Variants in NHEJ1 observed in about 807,000 individuals in gnomAD.
NHEJ1 encodes non-homologous end joining factor 1, also known as non-homologous end-joining factor 1.
In NHEJ1, 22 loss-of-function variants were observed where a neutral mutation model predicts 39.4. The ratio of observed to expected loss-of-function variants is 0.56; its 90% CI spans 0.40 to 0.80. NHEJ1 has a LOEUF of 0.80. Ranked by LOEUF, NHEJ1 falls within the 30% of genes least tolerant of loss-of-function variation. NHEJ1 has a pLI of 0.00. For missense variants in NHEJ1, 329 were observed against 357.1 expected (o/e 0.92, Z 0.63); for synonymous variants, 154 against 135.6 (o/e 1.14, Z -0.94).
chr2:219,106,725 T>C (rs1041103391), intron 5 of NHEJ1, among the ~76,000 whole-genome samples: 1 of 152,196 alleles, frequency 6.6e-6, no homozygotes, highest in Non-Finnish European at 1.5e-5. Context: ...ATACTCAATG[T>C]TATTAAACAG....
At chr2:219,091,804 ATGTGTATATATGAAGTATG>A (rs60083888) in intron 5 of NHEJ1, among the ~76,000 whole-genome samples, 109,394 of 151,230 alleles carry the variant, frequency 0.72, 40,089 homozygotes, top group Non-Finnish European at 0.77. Flanking sequence ...GAACAAGGGT[ATGTGTATATATGAAGTATG>A]TGTGTATATA....
At chr2:219,093,825 C>G (rs1188574386) in intron 5 of NHEJ1, among the ~76,000 whole-genome samples, 1 of 152,092 alleles carries the variant, frequency 6.6e-6, no homozygotes, top group African/African-American at 2.4e-5. Flanking sequence ...TCAAACCAAA[C>G]ACACAAATGG....
chr2:219,129,832 C>T (rs762007338), intron 5 of NHEJ1, among the ~76,000 whole-genome samples: 9 of 152,294 alleles, frequency 5.9e-5, no homozygotes, highest in East Asian at 3.9e-4. Flanking sequence ...TTCACCCGTT[C>T]GACAGCCGCC....
At chr2:219,159,980 A>G (rs1054657226) in intron 1 of NHEJ1, among the ~76,000 whole-genome samples, 2 of 152,054 alleles carry the variant, frequency 1.3e-5, no homozygotes, top group Non-Finnish European at 2.9e-5. Flanking sequence ...GCCCTATAAA[A>G]AGGCCTGACA....
Position 219,158,240 on chromosome 2 carries a change from A to C in NHEJ1, c.123T>G (p.Leu41=), listed in dbSNP as rs1411468226. ...CCACCTGTTCATGCCACACCTGTTG[A>C]AGATCTGAAACCAACAAGGCATAGC... ...KQGYALLVSD[L]QQVWHEQVDT... is the part of the protein sequence containing the mutation. The change falls in exon 2 of 8, where the codon CTT becomes CTG. Residue 41 remains leucine, a synonymous_variant. Coordinates refer to ENST00000356853, the MANE Select transcript of NHEJ1 (RefSeq NM_024782.3). 3.1e-6 allele frequency: 5 copies of C among 1,614,092 alleles called. No individual in the cohort carries two copies. Among genetic ancestry groups the C allele is most frequent in the Non-Finnish European group, 4.2e-6 (5 of 1,180,054 alleles).
chr2:219,144,149 C>T (rs1328358560), intron 5 of NHEJ1, among the ~76,000 whole-genome samples: 5 of 152,114 alleles, frequency 3.3e-5, no homozygotes, highest in South Asian at 2.1e-4. Context: ...TACAGTGAGC[C>T]GAGATCACCC....
chr2:219,118,966 C>T (rs1949444119), intron 5 of NHEJ1, among the ~76,000 whole-genome samples: 1 of 152,188 alleles, frequency 6.6e-6, no homozygotes, highest in Non-Finnish European at 1.5e-5. Flanking sequence ...CCTGGGGGGA[C>T]TTGAACCATC....
chr2:219,123,327 C>T (rs958874537), intron 5 of NHEJ1, among the ~76,000 whole-genome samples: 2 of 152,176 alleles, frequency 1.3e-5, no homozygotes, highest in South Asian at 2.1e-4. Flanking sequence ...CTAGTGGACA[C>T]AGAAAACAAT....
Position 219,077,324 on chromosome 2 carries a change from G to A in NHEJ1, c.747C>T (p.Ile249=), listed in dbSNP as rs142143860. Residue 249 remains isoleucine, a synonymous_variant, in exon 7 of 8, where the codon ATC becomes ATT. Coordinates refer to ENST00000356853, the MANE Select transcript of NHEJ1 (RefSeq NM_024782.3). The part of the protein sequence containing the change: ...HTSNSASLQG[I]DSQCVNQPEQ... ...CTGGCTGGTTTACACATTGGCTATCGATTCCTTGCAGGGAAGCACTGTTTG... is the reference window on the plus strand; with the variant it reads ...CTGGCTGGTTTACACATTGGCTATCAATTCCTTGCAGGGAAGCACTGTTTG... 6.3e-5 allele frequency: 101 copies of A among 1,613,968 alleles called. No individual in the cohort carries two copies. The African/African-American group carries it at 8.5e-4, about 14-fold the overall frequency.
intron 7 of NHEJ1, 118 bp downstream of exon 7, chr2:219,077,128 A>G: frequency 1.3e-6 from 1 of 789,394 alleles, no homozygotes; most frequent in Admixed American, 1.9e-5. Flanking sequence ...CCTGGTCACA[A>G]ATATCCCTCA....
At chr2:219,118,054 T>A (rs1193887998) in intron 5 of NHEJ1, among the ~76,000 whole-genome samples, 1 of 152,170 alleles carries the variant, frequency 6.6e-6, no homozygotes, top group East Asian at 1.9e-4. Context: ...CACTGTTTGA[T>A]CTCCTGGCTA....
chr2:219,138,055 C>T (rs1949652898), intron 5 of NHEJ1, among the ~76,000 whole-genome samples: 1 of 152,120 alleles, frequency 6.6e-6, no homozygotes, highest in Non-Finnish European at 1.5e-5. Context: ...TAGACTTATC[C>T]TTTTTTACGA....
At chr2:219,100,848 A>G (rs1385528022) in intron 5 of NHEJ1, among the ~76,000 whole-genome samples, 1 of 152,176 alleles carries the variant, frequency 6.6e-6, no homozygotes, top group Non-Finnish European at 1.5e-5. Context: ...TCATCCATTC[A>G]TATTTCTTCC....
chr2:219,151,936 C>A (rs1192058874), intron 3 of NHEJ1, among the ~76,000 whole-genome samples: 3 of 152,124 alleles, frequency 2.0e-5, no homozygotes, highest in African/African-American at 7.2e-5. Context: ...CCACTGCACT[C>A]CAGCCTGGGT....
chr2:219,084,161 C>G (rs1949091687), intron 5 of NHEJ1, among the ~76,000 whole-genome samples: 1 of 152,044 alleles, frequency 6.6e-6, no homozygotes. Flanking sequence ...CACCTGCCAC[C>G]ACGCCTGGCT....
At chr2:219,094,384 T>C (rs544152706) in intron 5 of NHEJ1, among the ~76,000 whole-genome samples, 13 of 152,264 alleles carry the variant, frequency 8.5e-5, no homozygotes, top group African/African-American at 3.1e-4. Context: ...GGCTGGGTGC[T>C]GGGAGAAGGG....
intron 3 of NHEJ1, among the ~76,000 whole-genome samples, chr2:219,157,003 T>C (rs1949860784): frequency 1.3e-5 from 2 of 152,210 alleles, no homozygotes; most frequent in Admixed American, 1.3e-4. Context: ...TCTACATCTC[T>C]TGCCTACAAT....
intron 3 of NHEJ1, among the ~76,000 whole-genome samples, chr2:219,153,555 T>A (rs1949817954): frequency 6.6e-6 from 1 of 152,168 alleles, no homozygotes; most frequent in African/African-American, 2.4e-5. Context: ...CCCAGAGACC[T>A]GGGGCCAAGC....
intron 5 of NHEJ1, among the ~76,000 whole-genome samples, chr2:219,085,287 C>G (rs552807026): frequency 6.2e-4 from 94 of 152,352 alleles, no homozygotes; most frequent in Non-Finnish European, 1.1e-3. Flanking sequence ...AAATTTTCCA[C>G]AGCTCATCAC....
Sources: gnomAD v4.1 joint callset for allele counts (sites outside exome capture counted in the v4.1 genomes callset) on GRCh38, gnomAD v4.1.1 for gene constraint, MANE v1.5 for transcripts, NCBI Gene and HGNC (gene_info 2026-07-23, HGNC 2026-07-21) for gene names.